The following HCN1 variants were observed in gnomAD, a reference collection of about 807,000 sequenced individuals.
HCN1 encodes the protein hyperpolarization activated cyclic nucleotide gated potassium channel 1.
A neutral mutation model predicts 78.9 loss-of-function variants in HCN1; 13 were observed. The ratio of observed to expected loss-of-function variants is 0.16; its 90% CI spans 0.11 to 0.26. HCN1 has a LOEUF of 0.26. HCN1 is among the 10% of genes least tolerant of loss of function. The probability of loss-of-function intolerance (pLI) is 1.00; values close to 1 mark genes in which losing one functional copy is unlikely to be tolerated. For synonymous variants in HCN1, 552 were observed against 455.5 expected (o/e 1.21, Z -2.70); for missense variants, 810 against 1,154.3 (o/e 0.70, Z 4.32).
rs111596963 is a variant in HCN1, at chr5:45,512,859, G to A, written c.850-50852C>T. On this transcript the variant is annotated intron_variant, in intron 2 of 7. Transcript: ENST00000303230. The stretch of plus-strand genomic sequence containing the variant: ...AAAATATAAACAAGTAAACCTGATG[G>A]AAATGAAAGGCAAATATGAGGTTTT... Among the ~76,000 whole-genome samples, 1,102 of 152,126 alleles carry A rather than the reference G, an allele frequency of 7.2e-3. 11 individuals carry two copies. Among genetic ancestry groups the A allele is most frequent in the African/African-American group, 0.025 (1,056 of 41,524 alleles).
rs1036464510 is a variant in HCN1, at chr5:45,318,573, A to G, written c.1378-14734T>C. On this transcript the variant is annotated intron_variant, in intron 5 of 7. Coordinates refer to ENST00000303230, the MANE Select transcript of HCN1 (RefSeq NM_021072.4). ...AACTTGTATAATAAAAAGAAAAAAT[A>G]TTATTTAATAAAATAAAAAGAAAAG... 1.3e-4 allele frequency among the ~76,000 whole-genome samples: 19 copies of G among 151,710 alleles called. No homozygotes were observed. In the South Asian group the frequency reaches 3.1e-3, roughly 25 times the overall value.
At chr5:45,498,291 A>G (rs1204714530) in intron 2 of HCN1, among the ~76,000 whole-genome samples, 1 of 152,044 alleles carries the variant, frequency 6.6e-6, no homozygotes, top group East Asian at 1.9e-4. Flanking sequence ...GTTTCTTTTT[A>G]TTCTTTTTTC....
At position 45,532,181 on chromosome 5, in the gene HCN1, T is replaced by C. The variant is rs112974331; in HGVS notation, c.850-70174A>G. Among the ~76,000 whole-genome samples, 979 of 152,348 alleles carry C rather than the reference T, an allele frequency of 6.4e-3. 4 individuals are homozygous for C. The highest frequency in any genetic ancestry group is 0.023 in the African/African-American group (946 of 41,570). Reference sequence around the variant, plus strand: ...TGCCTCATATTAATGATTTGTTAAATACAATTTACTTGACTAGACTGTAGG... The same window carrying C: ...TGCCTCATATTAATGATTTGTTAAACACAATTTACTTGACTAGACTGTAGG... On this transcript the variant is annotated intron_variant, in intron 2 of 7. Transcript: ENST00000303230.
chr5:45,290,827 T>C (rs1745358030), intron 6 of HCN1, among the ~76,000 whole-genome samples: 1 of 151,914 alleles, frequency 6.6e-6, no homozygotes. Context: ...CTGCAAATAA[T>C]CATGAAGAAA....
chr5:45,263,274 G>C (rs577528566), intron 7 of HCN1, among the ~76,000 whole-genome samples: 4 of 152,084 alleles, frequency 2.6e-5, no homozygotes, highest in African/African-American at 9.7e-5. Context: ...CCGCGACCCT[G>C]TCAGATAGGT....
chr5:45,522,258 A>G (rs564932732), intron 2 of HCN1, among the ~76,000 whole-genome samples: 4 of 152,152 alleles, frequency 2.6e-5, no homozygotes, highest in Admixed American at 2.0e-4. Context: ...TTTAAGCTAT[A>G]CACTTAAACT....
chr5:45,465,482 T>A (rs1741248464), intron 2 of HCN1, among the ~76,000 whole-genome samples: 1 of 151,974 alleles, frequency 6.6e-6, no homozygotes, highest in Non-Finnish European at 1.5e-5. Flanking sequence ...TTCAGCCAGG[T>A]GCGGGGGCTC....
chr5:45,276,725 G>A (rs1240610979), intron 6 of HCN1, among the ~76,000 whole-genome samples: 1 of 151,952 alleles, frequency 6.6e-6, no homozygotes, highest in East Asian at 1.9e-4. Flanking sequence ...TAATTCCAAG[G>A]CTAAATAACC....
chr5:45,360,625 T>A (rs189005453), intron 4 of HCN1, among the ~76,000 whole-genome samples: 1 of 152,140 alleles, frequency 6.6e-6, no homozygotes, highest in African/African-American at 2.4e-5. Context: ...TCAATGCATA[T>A]CTTTTAGAAT....
chr5:45,493,637 A>G (rs903502531), intron 2 of HCN1, among the ~76,000 whole-genome samples: 5 of 151,102 alleles, frequency 3.3e-5, no homozygotes, highest in Non-Finnish European at 5.9e-5. Flanking sequence ...TTTAGGGTAC[A>G]TGTGCACAAT....
intron 3 of HCN1, among the ~76,000 whole-genome samples, chr5:45,460,964 T>C (rs1318327841): frequency 6.6e-6 from 1 of 151,538 alleles, no homozygotes; most frequent in Non-Finnish European, 1.5e-5. Context: ...AAAAATCTCA[T>C]AAAATTAAAG....
intron 2 of HCN1, among the ~76,000 whole-genome samples, chr5:45,520,666 C>T (rs143923156): frequency 1.3e-5 from 2 of 151,822 alleles, no homozygotes; most frequent in Non-Finnish European, 2.9e-5. Flanking sequence ...GTAAACAAGG[C>T]AGTATATAGC....
chr5:45,652,758 A>G (rs535056258), intron 1 of HCN1, among the ~76,000 whole-genome samples: 69 of 152,042 alleles, frequency 4.5e-4, no homozygotes, highest in Middle Eastern at 6.8e-3. Flanking sequence ...TTATTATAGC[A>G]TAGCTTTTTT....
At chr5:45,660,598 C>G (rs917667264) in intron 1 of HCN1, among the ~76,000 whole-genome samples, 14 of 152,076 alleles carry the variant, frequency 9.2e-5, no homozygotes, top group African/African-American at 2.9e-4. Flanking sequence ...AAAATAAAAG[C>G]ATGGAAGAAG....
intron 4 of HCN1, among the ~76,000 whole-genome samples, chr5:45,373,175 A>T (rs1310111318): frequency 4.1e-5 from 5 of 123,280 alleles, no homozygotes; most frequent in African/African-American, 6.3e-5. Flanking sequence ...ACTTTATAAA[A>T]TATATGAAAT....
intron 2 of HCN1, chr5:45,641,596 T>C (rs796198717): frequency 1.1e-4 from 16 of 152,278 alleles, no homozygotes; most frequent in African/African-American, 3.6e-4. Flanking sequence ...TCCAAAGCCA[T>C]AGTTATTATA....
intron 2 of HCN1, among the ~76,000 whole-genome samples, chr5:45,470,191 A>C (rs1262160920): frequency 2.0e-5 from 3 of 151,950 alleles, no homozygotes; most frequent in Non-Finnish European, 4.4e-5. Flanking sequence ...GCGGAATATT[A>C]ATTTATTTGA....
chr5:45,348,097 G>A (rs1460225017), intron 5 of HCN1, among the ~76,000 whole-genome samples: 1 of 152,132 alleles, frequency 6.6e-6, no homozygotes, highest in Non-Finnish European at 1.5e-5. Context: ...AGGAAAAAAT[G>A]TTCAGGGCAG....
intron 2 of HCN1, among the ~76,000 whole-genome samples, chr5:45,515,431 A>T (rs1382565379): frequency 6.6e-6 from 1 of 152,016 alleles, no homozygotes; most frequent in Non-Finnish European, 1.5e-5. Flanking sequence ...ATATTTGTTG[A>T]TGTCTTAGAG....
Sources: allele counts gnomAD v4.1 joint callset (sites outside exome capture counted in the v4.1 genomes callset), GRCh38; gene constraint gnomAD v4.1.1; transcripts MANE v1.5; gene names NCBI Gene and HGNC (gene_info 2026-07-23, HGNC 2026-07-21).